The following VPS41 variants were observed in gnomAD, a reference collection of about 807,000 sequenced individuals.
VPS41 encodes the protein vacuolar protein sorting-associated protein 41 homolog.
A neutral mutation model predicts 130.9 loss-of-function variants in VPS41; 85 were observed. That is an observed-to-expected ratio of 0.65 (90% CI 0.55 to 0.78). VPS41 has a LOEUF of 0.78. Among genes scored for constraint, VPS41 ranks in the 30% least tolerant of loss-of-function variants. VPS41 has a pLI of 0.00. For synonymous variants in VPS41, 335 were observed against 332.9 expected, an observed-to-expected ratio of 1.01 and a Z score of -0.07; for missense variants, 874 against 1,018.7, an observed-to-expected ratio of 0.86 and a Z score of 1.93.
At chr7:38,736,861 C>T (rs138733843) in intron 25 of VPS41, among the ~76,000 whole-genome samples, 4 of 152,258 alleles carry the variant, frequency 2.6e-5, no homozygotes, top group African/African-American at 9.6e-5. Flanking sequence ...ATAGTTAAAC[C>T]TAATTATAGG....
intron 7 of VPS41, among the ~76,000 whole-genome samples, chr7:38,804,865 T>TA (rs1219007956): frequency 3.9e-5 from 6 of 152,258 alleles, no homozygotes; most frequent in South Asian, 2.1e-4. Context: ...TTTTACCACT[T>TA]AAAAAAAATC....
At chr7:38,793,910 T>C (rs1428142052) in intron 9 of VPS41, among the ~76,000 whole-genome samples, 1 of 152,210 alleles carries the variant, frequency 6.6e-6, no homozygotes, top group East Asian at 1.9e-4. Flanking sequence ...GTAGGTTAAT[T>C]CCCCATCTCA....
intron 9 of VPS41, among the ~76,000 whole-genome samples, chr7:38,793,235 C>T (rs887160806): frequency 6.6e-6 from 1 of 152,206 alleles, no homozygotes; most frequent in Admixed American, 6.5e-5. Flanking sequence ...TTCTGCAACA[C>T]TAGAACACTG....
chr7:38,741,144 A>G (rs574544799), intron 25 of VPS41: 3 of 194,308 alleles, frequency 1.5e-5, no homozygotes, highest in Admixed American at 6.4e-5. Flanking sequence ...TCCTGGCCCA[A>G]TGGATCTCAC....
At chr7:38,808,259 A>G (rs1265870751) in intron 7 of VPS41, among the ~76,000 whole-genome samples, 1 of 152,176 alleles carries the variant, frequency 6.6e-6, no homozygotes, top group African/African-American at 2.4e-5. Flanking sequence ...TTATTTAAGC[A>G]TTATATTTCT....
At chr7:38,845,342 T>C (rs1785701608) in intron 4 of VPS41, among the ~76,000 whole-genome samples, 1 of 152,206 alleles carries the variant, frequency 6.6e-6, no homozygotes, top group Non-Finnish European at 1.5e-5. Context: ...TACACAGTGG[T>C]ACACAAAACA....
At chr7:38,728,940 C>A in intron 25 of VPS41, 149 bp from the exon 26 acceptor site, 1 of 688,586 alleles carries the variant, frequency 1.5e-6, no homozygotes. Flanking sequence ...GTACCCTCTT[C>A]CTGCCAAACC....
intron 4 of VPS41, among the ~76,000 whole-genome samples, chr7:38,846,719 T>C (rs1029406206): frequency 6.6e-6 from 1 of 152,136 alleles, no homozygotes; most frequent in Non-Finnish European, 1.5e-5. Context: ...CAGTTGGGTT[T>C]TACTGCAATA....
chr7:38,775,043 G>A (rs1042722597), intron 11 of VPS41: 3 of 152,136 alleles, frequency 2.0e-5, no homozygotes, highest in African/African-American at 7.2e-5. Context: ...CTGCAACTAT[G>A]TGAAAACATG....
chr7:38,846,648 G>A (rs1785730250), intron 4 of VPS41, among the ~76,000 whole-genome samples: 1 of 152,122 alleles, frequency 6.6e-6, no homozygotes, highest in Non-Finnish European at 1.5e-5. Context: ...GCACTGCTTT[G>A]GGAAGATTAC....
At chr7:38,747,406 A>G (rs897934681) in intron 22 of VPS41, among the ~76,000 whole-genome samples, 8 of 152,250 alleles carry the variant, frequency 5.3e-5, no homozygotes, top group Non-Finnish European at 1.2e-4. Context: ...ATACAACTGA[A>G]TAAGGAGAAT....
chr7:38,801,230 C>G (rs1784718797), intron 7 of VPS41, among the ~76,000 whole-genome samples: 1 of 152,206 alleles, frequency 6.6e-6, no homozygotes, highest in South Asian at 2.1e-4. Context: ...GGACCCTGCT[C>G]TGACATGCAA....
intron 2 of VPS41, among the ~76,000 whole-genome samples, chr7:38,882,204 C>A (rs1158216941): frequency 6.6e-6 from 1 of 152,166 alleles, no homozygotes; most frequent in African/African-American, 2.4e-5. Flanking sequence ...AAGAGTGAAT[C>A]CCTAGACCTC....
At chr7:38,870,399 A>T (rs1049847779) in intron 2 of VPS41, among the ~76,000 whole-genome samples, 3 of 152,220 alleles carry the variant, frequency 2.0e-5, no homozygotes, top group Non-Finnish European at 2.9e-5. Context: ...CCTGGTGAAT[A>T]TCACAGTCTT....
intron 25 of VPS41, among the ~76,000 whole-genome samples, chr7:38,729,359 T>C (rs531795880): frequency 1.3e-5 from 2 of 152,296 alleles, no homozygotes; most frequent in South Asian, 4.1e-4. Flanking sequence ...ATGCAACCTA[T>C]CTTTTTCTTT....
At chr7:38,750,518 C>T (rs888187275) in intron 22 of VPS41, among the ~76,000 whole-genome samples, 3 of 152,188 alleles carry the variant, frequency 2.0e-5, no homozygotes, top group African/African-American at 7.2e-5. Flanking sequence ...ATTGGTTTTA[C>T]TATGCTTGTG....
chr7:38,826,968 G>A lies in VPS41; in HGVS notation c.321+3286C>T, dbSNP rs547102295. On this transcript the variant is annotated intron_variant, in intron 5 of 28. Transcript: ENST00000310301. Reference sequence around the variant, plus strand: ...CGAGTAGCTGGGACTACAGGTGCCCGCCGCCACACCCGGCTAATTTTTTGT... The same window carrying A: ...CGAGTAGCTGGGACTACAGGTGCCCACCGCCACACCCGGCTAATTTTTTGT... 3.0e-4 allele frequency among the ~76,000 whole-genome samples: 45 copies of A among 151,986 alleles called. No individual in the cohort carries two copies. The East Asian group carries it at 7.5e-3, about 25-fold the overall frequency.
chr7:38,887,065 T>C (rs1406932222), intron 2 of VPS41, among the ~76,000 whole-genome samples: 1 of 152,076 alleles, frequency 6.6e-6, no homozygotes, highest in Non-Finnish European at 1.5e-5. Flanking sequence ...ACCACAAAGA[T>C]GGGGAGAAAC....
intron 7 of VPS41, among the ~76,000 whole-genome samples, chr7:38,802,662 T>C (rs1211812392): frequency 6.6e-6 from 1 of 152,220 alleles, no homozygotes; most frequent in African/African-American, 2.4e-5. Flanking sequence ...ACTCCTTTTC[T>C]TACAAACATT....
Sources: gnomAD v4.1 joint callset for allele counts (sites outside exome capture counted in the v4.1 genomes callset) on GRCh38, gnomAD v4.1.1 for gene constraint, MANE v1.5 for transcripts, NCBI Gene and HGNC (gene_info 2026-07-23, HGNC 2026-07-21) for gene names.